Variants in STRN observed in about 807,000 individuals in gnomAD.
STRN encodes striatin.
STRN carries 53 observed loss-of-function variants against 96.3 expected under a neutral mutation model. That is an observed-to-expected ratio of 0.55 (90% CI 0.44 to 0.69). STRN has a LOEUF of 0.69. Among genes scored for constraint, STRN ranks in the 30% least tolerant of loss-of-function variants. The pLI, the probability that STRN is intolerant of heterozygous loss-of-function variation, is 0.00. For missense variants in STRN, 987 were observed against 963.9 expected (o/e 1.02, Z -0.32); for synonymous variants, 428 against 355.9 (o/e 1.20, Z -2.28).
intron 1 of STRN, among the ~76,000 whole-genome samples, chr2:36,945,775 T>C (rs1232201482): frequency 6.6e-6 from 1 of 152,144 alleles, no homozygotes; most frequent in Non-Finnish European, 1.5e-5. Context: ...CATTAGTTAG[T>C]TAAATGAGAA....
chr2:36,937,114 C>T (rs578012608), intron 1 of STRN, among the ~76,000 whole-genome samples: 15 of 152,164 alleles, frequency 9.9e-5, no homozygotes, highest in Admixed American at 3.9e-4. Context: ...GAGGCCAAGG[C>T]GGGCAGATCA....
rs1668174418 is a variant in STRN, at chr2:36,849,778, T to C, written c.2109A>G (p.Val703=). Residue 703 remains valine, a synonymous_variant, in exon 17 of 18, where the codon GTA becomes GTG. Coordinates refer to ENST00000263918, the MANE Select transcript of STRN (RefSeq NM_003162.4). Reference sequence around the variant, plus strand: ...AACTTGTAACAGCTTCTAGGTGGGCTACCATCGAGTGGATCAGTTTGCCTT... The same window carrying C: ...AACTTGTAACAGCTTCTAGGTGGGCCACCATCGAGTGGATCAGTTTGCCTT... ...NNTGKLIHSM[V]AHLEAVTSLA... The C allele has an allele frequency of 1.2e-6, 2 of 1,614,192 alleles. No homozygotes were observed. The highest frequency in any genetic ancestry group is 2.2e-5 in the East Asian group (1 of 44,878).
At chr2:36,854,242 C>A (rs1007902240) in intron 15 of STRN, among the ~76,000 whole-genome samples, 1 of 152,110 alleles carries the variant, frequency 6.6e-6, no homozygotes, top group Non-Finnish European at 1.5e-5. Flanking sequence ...TATATTTAAA[C>A]ATGATTTTAA....
At chr2:36,862,461 C>A (rs562442394) in intron 12 of STRN, among the ~76,000 whole-genome samples, 3 of 152,152 alleles carry the variant, frequency 2.0e-5, no homozygotes, top group Non-Finnish European at 2.9e-5. Flanking sequence ...TGTGACATGG[C>A]ATCTCATTGT....
rs1861434 is a variant in STRN at position 36,848,254 on chromosome 2, T to G, written c.*1202A>C. The G allele has an allele frequency of 0.86, 131,376 of 152,232 alleles. 58,319 individuals carry two copies. The highest frequency in any genetic ancestry group is 0.96 in the Non-Finnish European group (65,560 of 68,050). The allele number at this position is 152,232 out of a possible 1,614,324, so 9.4% of individuals were successfully genotyped here. A position where few individuals can be genotyped will look rare whatever the true frequency, so the allele number is the denominator to read the frequency against. On this transcript the variant is annotated 3_prime_UTR_variant, in exon 18 of 18. Transcript: ENST00000263918. The stretch of plus-strand genomic sequence containing the variant: ...ATAGGGAGAGAGAAAGACAGAACTT[T>G]TTAGCCAATATTTGGCATTAAACTC...
At chr2:36,898,438 C>A (rs1669598592) in intron 6 of STRN, among the ~76,000 whole-genome samples, 1 of 152,168 alleles carries the variant, frequency 6.6e-6, no homozygotes, top group Non-Finnish European at 1.5e-5. Flanking sequence ...CAGTAGAGTA[C>A]TATTGAATAG....
intron 2 of STRN, among the ~76,000 whole-genome samples, chr2:36,922,128 C>T (rs1390001183): frequency 6.6e-6 from 1 of 152,062 alleles, no homozygotes. Context: ...AGAGAGCAAA[C>T]ACAATAAAGC....
At chr2:36,853,728 G>T (rs952528064) in intron 15 of STRN, among the ~76,000 whole-genome samples, 1 of 151,958 alleles carries the variant, frequency 6.6e-6, no homozygotes. Context: ...AGCTTGTTTG[G>T]TCCTTTCATT....
At chr2:36,942,898 G>GT (rs60433145) in intron 1 of STRN, among the ~76,000 whole-genome samples, 50,934 of 151,852 alleles carry the variant, frequency 0.34, 8,739 homozygotes, top group East Asian at 0.54. Context: ...GTTTCACCAT[G>GT]TTGGCCAGGC....
chr2:36,879,573 G>A (rs1669013607), intron 9 of STRN, among the ~76,000 whole-genome samples: 1 of 152,082 alleles, frequency 6.6e-6, no homozygotes, highest in South Asian at 2.1e-4. Context: ...ATTTAATTTG[G>A]TCAATAACAA....
Position 36,911,633 on chromosome 2 carries a change from C to G in STRN, c.412+4445G>C, listed in dbSNP as rs542153277. 4.6e-5 allele frequency among the ~76,000 whole-genome samples: 7 copies of G among 152,270 alleles called. No individual in the cohort carries two copies. The East Asian group carries it at 1.4e-3, about 29-fold the overall frequency. On this transcript the variant is annotated intron_variant, in intron 3 of 17. Transcript: ENST00000263918. ...GACCTGCTCTAGACCAGAATCTACC[C>G]CCTTACTTTTAATTCACCCATTAGC...
chr2:36,906,948 A>C (rs985618478), intron 3 of STRN, among the ~76,000 whole-genome samples: 8 of 151,502 alleles, frequency 5.3e-5, no homozygotes, highest in Admixed American at 3.3e-4. Context: ...ACAAAAAAAA[A>C]CCCTCAAGTA....
chr2:36,916,698 GTAGAAAGGAATTTTTTTATAC>G (rs1435677657), intron 2 of STRN, among the ~76,000 whole-genome samples: 2 of 152,134 alleles, frequency 1.3e-5, no homozygotes, highest in African/African-American at 4.8e-5. Flanking sequence ...AGATATTCCA[GTAGAAAGGAATTTTTTTATAC>G]TAGTCAAGAT....
intron 9 of STRN, among the ~76,000 whole-genome samples, chr2:36,881,016 T>A (rs1408786104): frequency 1.3e-5 from 2 of 151,826 alleles, no homozygotes; most frequent in African/African-American, 4.8e-5. Flanking sequence ...AGACTATAGG[T>A]CACGTTTCCA....
chr2:36,946,863 C>G (rs1670998545), intron 1 of STRN, among the ~76,000 whole-genome samples: 2 of 151,920 alleles, frequency 1.3e-5, no homozygotes, highest in Admixed American at 6.6e-5. Context: ...TTTTCCAAAT[C>G]TTTCCTTATT....
At chr2:36,862,592 GGTT>G (rs985853111) in intron 12 of STRN, among the ~76,000 whole-genome samples, 1 of 151,754 alleles carries the variant, frequency 6.6e-6, no homozygotes, top group African/African-American at 2.4e-5. Context: ...TTTTTAATGG[GGTT>G]GTTTTTTGCT....
At chr2:36,952,586 C>G (rs1664779723) in intron 1 of STRN, among the ~76,000 whole-genome samples, 1 of 152,066 alleles carries the variant, frequency 6.6e-6, no homozygotes, top group African/African-American at 2.4e-5. Context: ...TGATTAATAT[C>G]TACCACATAC....
chr2:36,930,139 T>C (rs1187029262), intron 1 of STRN, among the ~76,000 whole-genome samples: 1 of 152,050 alleles, frequency 6.6e-6, no homozygotes, highest in African/African-American at 2.4e-5. Flanking sequence ...TTAAAGACAG[T>C]GTCATTATCA....
At chr2:36,912,973 A>G (rs1385200230) in intron 3 of STRN, among the ~76,000 whole-genome samples, 2 of 152,358 alleles carry the variant, frequency 1.3e-5, no homozygotes, top group East Asian at 3.9e-4. Context: ...AGAATAATAC[A>G]GAGAAGATCA....
Sources: gnomAD v4.1 joint callset for allele counts (sites outside exome capture counted in the v4.1 genomes callset) on GRCh38, gnomAD v4.1.1 for gene constraint, MANE v1.5 for transcripts, NCBI Gene and HGNC (gene_info 2026-07-23, HGNC 2026-07-21) for gene names.